The following GEMIN5 variants were observed in gnomAD, a reference collection of about 807,000 sequenced individuals.
The protein encoded by GEMIN5 is gem-associated protein 5.
Under a neutral mutation model 176.9 loss-of-function variants are expected in GEMIN5, and 124 were observed. That is an observed-to-expected ratio of 0.70 (90% CI 0.61 to 0.81). The LOEUF (loss-of-function observed/expected upper bound fraction) is 0.81, where lower values mean the gene tolerates loss of function less well. GEMIN5 is among the 40% of genes least tolerant of loss of function. The pLI is 0.00. For synonymous variants in GEMIN5, 673 were observed against 665.2 expected (o/e 1.01, Z -0.18); for missense variants, 1,843 against 1,814.6 (o/e 1.02, Z -0.28).
chr5:154,910,532 G>T (rs1022352900), intron 15 of GEMIN5, among the ~76,000 whole-genome samples: 1 of 152,158 alleles, frequency 6.6e-6, no homozygotes, highest in African/African-American at 2.4e-5. Context: ...TCAAACTCCT[G>T]GCCTCAAGTG....
rs1190108739 is a variant in GEMIN5 at position 154,937,183 on chromosome 5, T to C, written c.169A>G (p.Ile57Val). Residue 57 changes from isoleucine to valine, a missense_variant and splice_region_variant, in exon 2 of 28, where the codon ATA becomes GTA. Transcript: ENST00000285873. ...ESPGTPPFRV[I>V]GELVGHTERV... ...TCGGTGTGTCCCACCAACTCTCCTA[T>C]GACTTTAAGCAAAACCAGACGCTAG... The C allele has an allele frequency of 1.1e-5, 17 of 1,601,944 alleles. No homozygotes were observed. The highest frequency in any genetic ancestry group is 1.4e-5 in the Non-Finnish European group (17 of 1,172,478).
intron 15 of GEMIN5, among the ~76,000 whole-genome samples, chr5:154,909,133 ATTT>A (rs70981958): frequency 1.0e-5 from 1 of 99,732 alleles, no homozygotes; most frequent in Admixed American, 1.3e-4. Context: ...TAATTTTTGT[ATTT>A]TTTTTTTTTT....
intron 8 of GEMIN5, 38 bp from the exon 9 acceptor site, chr5:154,924,592 G>A: frequency 7.9e-7 from 1 of 1,260,626 alleles, no homozygotes; most frequent in Non-Finnish European, 1.2e-6. Flanking sequence ...AATATAAGAA[G>A]TGGGGCATAT....
At position 154,891,379 on chromosome 5, in the gene GEMIN5, G is replaced by A. The variant is rs752827152; in HGVS notation, c.4124C>T (p.Ala1375Val). 3 of 1,614,120 alleles carry A rather than the reference G, an allele frequency of 1.9e-6. No homozygotes were observed. Among genetic ancestry groups the A allele is most frequent in the Non-Finnish European group, 2.5e-6 (3 of 1,180,032 alleles). The change falls in exon 26 of 28, where the codon GCT becomes GTT. Residue 1375 changes from alanine (A) to valine (V), a missense_variant. Coordinates refer to ENST00000285873, the MANE Select transcript of GEMIN5 (RefSeq NM_015465.5). ...ASLQNSQRTV[A>V]EVQETLAEMI... The stretch of plus-strand genomic sequence containing the variant: ...TTCTGCCAAGGTCTCTTGGACTTCA[G>A]CAACAGTTCTCTGTGAGTTTTGGAG...
chr5:154,905,448 T>C lies in GEMIN5; in HGVS notation c.2424A>G (p.Pro808=), dbSNP rs373250247. The change falls in exon 17 of 28, where the codon CCA becomes CCG. Residue 808 remains proline (P), a synonymous_variant. Transcript: ENST00000285873. ...TTGACTTTTCAAAGCCTGAGGAAAC[T>C]GGAGTGCAGATAACTGGTTCTCTAG... ...AVSREPVICT[P]VSSGFEKSKV... 2 of 1,599,816 alleles carry C rather than the reference T, an allele frequency of 1.3e-6. No individual in the cohort carries two copies. Among genetic ancestry groups the C allele is most frequent in the African/African-American group, 1.3e-5 (1 of 74,380 alleles).
At chr5:154,902,424 G>A (rs1561713523) in intron 20 of GEMIN5, 115 bp downstream of exon 20, 5 of 935,050 alleles carry the variant, frequency 5.3e-6, no homozygotes, top group Non-Finnish European at 8.2e-6. Flanking sequence ...CTATTGCTTT[G>A]TATCTATTTG....
rs1763705180 is a variant in GEMIN5 at position 154,911,790 on chromosome 5, C to T, written c.2104G>A (p.Ala702Thr). Residue 702 changes from alanine (A) to threonine (T), a missense_variant, in exon 15 of 28, where the codon GCA becomes ACA. Transcript: ENST00000285873. ...PLDPDCIYSG[A>T]DDFCVHKWLT... ...CACTTGTGCACACAAAAGTCATCTG[C>T]CCCTGAATAGATGCAGTCTGGATCC... 6.2e-7 allele frequency: 1 copy of T among 1,613,778 alleles called. No homozygotes were observed. Among genetic ancestry groups the T allele is most frequent in the South Asian group, 1.1e-5 (1 of 91,076 alleles).
intron 3 of GEMIN5, among the ~76,000 whole-genome samples, chr5:154,934,021 G>T (rs991828382): frequency 6.6e-6 from 1 of 151,804 alleles, no homozygotes; most frequent in Non-Finnish European, 1.5e-5. Flanking sequence ...CACTATCATT[G>T]ACTTTTTTTT....
chr5:154,904,104 A>G (rs7720521), intron 18 of GEMIN5, among the ~76,000 whole-genome samples: 145,906 of 152,034 alleles, frequency 0.96, 70,073 homozygotes, highest in South Asian at 0.99. Context: ...TTTTTTCTAA[A>G]AAAATGCCAT....
At chr5:154,889,691 A>G (rs1763185551) in intron 26 of GEMIN5, among the ~76,000 whole-genome samples, 1 of 152,200 alleles carries the variant, frequency 6.6e-6, no homozygotes, top group Non-Finnish European at 1.5e-5. Flanking sequence ...CCCTGTCAAC[A>G]TTATTCTACT....
At chr5:154,894,854 C>T (rs1763315114) in intron 24 of GEMIN5, among the ~76,000 whole-genome samples, 1 of 151,494 alleles carries the variant, frequency 6.6e-6, no homozygotes, top group African/African-American at 2.4e-5. Flanking sequence ...TTGCAGTGAG[C>T]CAAGATCATG....
chr5:154,937,923 G>A, intron 1 of GEMIN5, 45 bp downstream of exon 1: 4 of 1,481,850 alleles, frequency 2.7e-6, no homozygotes, highest in South Asian at 1.3e-5. Context: ...CCCCTGGGGA[G>A]CGTACAAAGG....
In GEMIN5 at chr5:154,887,438, T is replaced by C. The variant is rs1763132718; in HGVS notation, c.*772A>G. On this transcript the variant is annotated 3_prime_UTR_variant, in exon 28 of 28. Transcript: ENST00000285873. ...TTTCTCCAAAGAGTATCTTTGGCTT[T>C]AATCTGATTCTCAAAAGGATCCTAT... 2 of 152,232 alleles carry C rather than the reference T, an allele frequency of 1.3e-5. No individual in the cohort carries two copies. The highest frequency in any genetic ancestry group is 4.8e-5 in the African/African-American group (2 of 41,452). The allele number at this position is 152,232 out of a possible 1,614,324, so 9.4% of individuals were successfully genotyped here. A position where few individuals can be genotyped will look rare whatever the true frequency, so the allele number is the denominator to read the frequency against.
chr5:154,890,458 TA>T (rs1412209293), intron 26 of GEMIN5, among the ~76,000 whole-genome samples: 3 of 151,674 alleles, frequency 2.0e-5, no homozygotes, highest in African/African-American at 7.3e-5. Context: ...CCTGGCTTCT[TA>T]AAATTTAATT....
At chr5:154,901,180 G>T (rs1763454207) in intron 21 of GEMIN5, among the ~76,000 whole-genome samples, 159 bp downstream of exon 21, 1 of 152,204 alleles carries the variant, frequency 6.6e-6, no homozygotes, top group South Asian at 2.1e-4. Flanking sequence ...TAAAAAATTA[G>T]TTGGATGTGG....
At chr5:154,918,574 A>G (rs1763858856) in intron 11 of GEMIN5, among the ~76,000 whole-genome samples, 1 of 152,234 alleles carries the variant, frequency 6.6e-6, no homozygotes, top group Non-Finnish European at 1.5e-5. Flanking sequence ...CACACATTCA[A>G]GTGCCAATAA....
chr5:154,927,341 T>C, intron 7 of GEMIN5, 44 bp downstream of exon 7: 1 of 1,382,168 alleles, frequency 7.2e-7, no homozygotes. Context: ...ACCCAAGTTG[T>C]AAACTGCTGC....
At position 154,902,828 on chromosome 5, in the gene GEMIN5, G is replaced by A; in HGVS notation, c.2729-152C>T. 6.4e-6 allele frequency: 5 copies of A among 785,706 alleles called. No individual in the cohort carries two copies. The South Asian group carries it at 8.7e-5, about 14-fold the overall frequency. The allele number at this position is 785,706 out of a possible 1,614,324, so 48.7% of individuals were successfully genotyped here. ...TCACCTACCAGAGTGATTACAGTAA[G>A]ATCTGAAGCCCACTTGGTCACTGTA... is the stretch of plus-strand genomic sequence containing the variant. On this transcript the variant is annotated intron_variant, in intron 19 of 27. Coordinates refer to ENST00000285873, the MANE Select transcript of GEMIN5 (RefSeq NM_015465.5).
intron 17 of GEMIN5, 32 bp from the exon 18 acceptor site, chr5:154,904,661 G>A: frequency 6.4e-7 from 1 of 1,567,948 alleles, no homozygotes; most frequent in Non-Finnish European, 8.8e-7. Flanking sequence ...ACTATCTGAA[G>A]GAGAACTGAT....
Sources: gnomAD v4.1 joint callset for allele counts (sites outside exome capture counted in the v4.1 genomes callset) on GRCh38, gnomAD v4.1.1 for gene constraint, MANE v1.5 for transcripts, NCBI Gene and HGNC (gene_info 2026-07-23, HGNC 2026-07-21) for gene names.